The following OR56B2 variants were observed in gnomAD, a reference collection of about 807,000 sequenced individuals.
The protein encoded by OR56B2 is olfactory receptor 56B2.
chr11:5,764,856 C>T, the OR56B2 span, among the ~76,000 whole-genome samples: 1 of 138,982 alleles, frequency 7.2e-6, no homozygotes, highest in African/African-American at 2.6e-5. Context: ...ATGTCGTATA[C>T]CTTAGATATG....
At chr11:5,765,704 T>C in the OR56B2 span, 1 of 140,172 alleles carries the variant, frequency 7.1e-6, no homozygotes, top group South Asian at 2.3e-4. Flanking sequence ...GAAGAATCAA[T>C]AGCATTAACC....
chr11:5,764,761 G>A, the OR56B2 span, among the ~76,000 whole-genome samples: 2 of 139,454 alleles, frequency 1.4e-5, 1 homozygote. Flanking sequence ...TTAGGAAACC[G>A]GGCTGCAATA....
chr11:5,765,730 G>C, the OR56B2 span: 1 of 139,794 alleles, frequency 7.2e-6, no homozygotes, highest in Non-Finnish European at 1.6e-5. Flanking sequence ...CTTTTGGCTT[G>C]GACACTCATG....
At chr11:5,764,370 A>G in the OR56B2 span, among the ~76,000 whole-genome samples, 467 of 140,726 alleles carry the variant, frequency 3.3e-3, 73 homozygotes, top group African/African-American at 0.011. Flanking sequence ...GGCCATTAGA[A>G]TACTCCAAAA....
At chr11:5,767,741 C>T in the OR56B2 span, among the ~76,000 whole-genome samples, 8 of 139,132 alleles carry the variant, frequency 5.7e-5, no homozygotes, top group Non-Finnish European at 1.3e-4. Flanking sequence ...AAATGAAGTA[C>T]TCGTACAATC....
the OR56B2 span, chr11:5,766,149 A>C: frequency 2.8e-5 from 4 of 140,948 alleles, no homozygotes; most frequent in East Asian, 8.2e-4. Flanking sequence ...AACAACAAAG[A>C]AATAGCATAA....
At chr11:5,767,716 C>A in the OR56B2 span, among the ~76,000 whole-genome samples, 1 of 139,258 alleles carries the variant, frequency 7.2e-6, no homozygotes, top group East Asian at 2.1e-4. Flanking sequence ...CTCCCAACAA[C>A]AAACAAACAA....
the OR56B2 span, among the ~76,000 whole-genome samples, chr11:5,761,471 A>G: frequency 6.6e-6 from 1 of 152,212 alleles, no homozygotes; most frequent in Non-Finnish European, 1.5e-5. Flanking sequence ...ATGTCTTAAT[A>G]TGTAAAAATA....
chr11:5,764,601 A>G, the OR56B2 span, among the ~76,000 whole-genome samples: 1 of 140,464 alleles, frequency 7.1e-6, no homozygotes, highest in Non-Finnish European at 1.6e-5. Context: ...AATACTTCAT[A>G]AATGTTTAAG....
the OR56B2 span, chr11:5,766,779 G>C: frequency 7.2e-6 from 1 of 139,658 alleles, no homozygotes; most frequent in Non-Finnish European, 1.6e-5. Flanking sequence ...TCAATACATT[G>C]TTGGGAAGTA....
At chr11:5,766,703 G>A in the OR56B2 span, 3 of 138,480 alleles carry the variant, frequency 2.2e-5, 1 homozygote, top group Non-Finnish European at 4.8e-5. Flanking sequence ...ACATATAAAT[G>A]TACTGCAAAT....
the OR56B2 span, among the ~76,000 whole-genome samples, chr11:5,762,068 TATATAA>T: frequency 6.6e-6 from 1 of 152,140 alleles, no homozygotes. Flanking sequence ...CAATCATCAA[TATATAA>T]ATATAATCCA....
chr11:5,766,488 T>G, the OR56B2 span: 1 of 140,410 alleles, frequency 7.1e-6, no homozygotes, highest in Non-Finnish European at 1.6e-5. Flanking sequence ...TGCTTTATTA[T>G]GTGTCTTATA....
At chr11:5,762,062 C>A in the OR56B2 span, among the ~76,000 whole-genome samples, 1 of 152,070 alleles carries the variant, frequency 6.6e-6, no homozygotes, top group Non-Finnish European at 1.5e-5. Flanking sequence ...GTTTAGCAAT[C>A]ATCAATATAT....
the OR56B2 span, chr11:5,766,902 AT>A: frequency 7.2e-6 from 1 of 138,908 alleles, no homozygotes; most frequent in Non-Finnish European, 1.6e-5. Flanking sequence ...ATTGAAAAAA[AT>A]GTTAATACAA....
the OR56B2 span, among the ~76,000 whole-genome samples, chr11:5,763,500 G>A: frequency 2.2e-5 from 3 of 139,200 alleles, no homozygotes; most frequent in Non-Finnish European, 3.2e-5. Flanking sequence ...TTTCAGTAGG[G>A]ACGGAGTTTC....
At chr11:5,762,947 T>A in the OR56B2 span, among the ~76,000 whole-genome samples, 1 of 152,072 alleles carries the variant, frequency 6.6e-6, no homozygotes, top group Non-Finnish European at 1.5e-5. Flanking sequence ...ATAATGTTAT[T>A]ATCATTTCAC....
the OR56B2 span, among the ~76,000 whole-genome samples, chr11:5,763,442 T>C: frequency 6.5e-5 from 9 of 139,064 alleles, 2 homozygotes; most frequent in Admixed American, 5.2e-4. Flanking sequence ...GCCTCCTGAG[T>C]AACTGGGGCT....
the OR56B2 span, among the ~76,000 whole-genome samples, chr11:5,762,826 T>C: frequency 6.6e-6 from 1 of 152,094 alleles, no homozygotes; most frequent in Non-Finnish European, 1.5e-5. Context: ...TATATTTAAA[T>C]ATACTTTACC....
Sources: gnomAD v4.1 joint callset for allele counts (sites outside exome capture counted in the v4.1 genomes callset) on GRCh38, gnomAD v4.1.1 for gene constraint, MANE v1.5 for transcripts, NCBI Gene and HGNC (gene_info 2026-07-23, HGNC 2026-07-21) for gene names.